Variants in RGL1 observed in about 807,000 individuals in gnomAD.
RGL1 encodes the protein ral guanine nucleotide dissociation stimulator-like 1.
RGL1 carries 24 observed loss-of-function variants against 95.2 expected under a neutral mutation model. The observed-to-expected ratio is 0.25, with a 90% confidence interval of 0.18 to 0.35. The LOEUF (loss-of-function observed/expected upper bound fraction) is 0.35. Among genes scored for constraint, RGL1 ranks in the 10% least tolerant of loss-of-function variants. The probability of loss-of-function intolerance (pLI) is 1.00; values close to 1 mark genes in which losing one functional copy is unlikely to be tolerated. For missense variants in RGL1, 715 were observed against 936.3 expected (o/e 0.76, Z 3.08); for synonymous variants, 329 against 344.9 (o/e 0.95, Z 0.51).
At chr1:183,859,635 A>G (rs910253959) in intron 3 of RGL1, among the ~76,000 whole-genome samples, 11 of 152,200 alleles carry the variant, frequency 7.2e-5, no homozygotes, top group African/African-American at 2.7e-4. Flanking sequence ...TGAGGAGGGC[A>G]GCTTTTGTTG....
chr1:183,829,467 A>G (rs1663106988), intron 2 of RGL1, among the ~76,000 whole-genome samples: 1 of 151,202 alleles, frequency 6.6e-6, no homozygotes, highest in Admixed American at 6.6e-5. Context: ...GTAGATCGTG[A>G]TCAACATTTA....
chr1:183,660,276 A>G (rs1651515250), intron 1 of RGL1, among the ~76,000 whole-genome samples: 1 of 152,168 alleles, frequency 6.6e-6, no homozygotes, highest in Admixed American at 6.5e-5. Flanking sequence ...TTGGATAAAG[A>G]GTCAAGACCC....
At chr1:183,844,301 T>C (rs1664269174) in intron 2 of RGL1, among the ~76,000 whole-genome samples, 1 of 152,186 alleles carries the variant, frequency 6.6e-6, no homozygotes, top group African/African-American at 2.4e-5. Flanking sequence ...TTTTATAATG[T>C]TTTGATTTTT....
chr1:183,872,702 AC>A (rs1183943958), intron 4 of RGL1, among the ~76,000 whole-genome samples: 3 of 152,234 alleles, frequency 2.0e-5, no homozygotes, highest in African/African-American at 7.2e-5. Flanking sequence ...TGGCTGTGTT[AC>A]ATTACTGCCT....
At chr1:183,794,429 A>T (rs1456598301) in intron 2 of RGL1, among the ~76,000 whole-genome samples, 1 of 152,222 alleles carries the variant, frequency 6.6e-6, no homozygotes, top group African/African-American at 2.4e-5. Flanking sequence ...CTAAAAGATT[A>T]TTTGAAATGT....
At chr1:183,863,762 A>T (rs1665660072) in intron 3 of RGL1, among the ~76,000 whole-genome samples, 1 of 152,088 alleles carries the variant, frequency 6.6e-6, no homozygotes, top group African/African-American at 2.4e-5. Context: ...CAGCAACTGG[A>T]TCGTGTGCTC....
chr1:183,802,599 G>T (rs1479087465), upstream of RGL1, among the ~76,000 whole-genome samples: 1 of 9,072 alleles, frequency 1.1e-4, no homozygotes, highest in East Asian at 4.0e-3. Context: ...AGGTGTATCA[G>T]CAAAAAAAAA....
intron 9 of RGL1, among the ~76,000 whole-genome samples, chr1:183,896,030 A>G (rs1667679493): frequency 6.6e-6 from 1 of 152,314 alleles, no homozygotes; most frequent in South Asian, 2.1e-4. Flanking sequence ...CCATGTCTAC[A>G]ATAACTTATG....
intron 3 of RGL1, among the ~76,000 whole-genome samples, chr1:183,864,016 G>A (rs1665676525): frequency 6.6e-6 from 1 of 152,134 alleles, no homozygotes; most frequent in African/African-American, 2.4e-5. Flanking sequence ...TCACATTCTG[G>A]GGAGGAACTG....
chr1:183,844,499 A>G (rs1035011605), intron 2 of RGL1, among the ~76,000 whole-genome samples: 11 of 152,232 alleles, frequency 7.2e-5, no homozygotes, highest in Non-Finnish European at 1.6e-4. Flanking sequence ...CCGTTGGCAT[A>G]TGAGAAATTC....
intron 1 of RGL1, among the ~76,000 whole-genome samples, chr1:183,723,832 A>G (rs1383156446): frequency 6.6e-6 from 1 of 152,180 alleles, no homozygotes; most frequent in Non-Finnish European, 1.5e-5. Flanking sequence ...TGGAATGGCC[A>G]AGAGAGTGCT....
chr1:183,912,040 AT>A (rs1313812378), intron 14 of RGL1, 41 bp from the exon 15 acceptor site: 3 of 1,578,954 alleles, frequency 1.9e-6, no homozygotes, highest in South Asian at 1.1e-5. Context: ...TGGATTCCAG[AT>A]TTGTAACAGC....
chr1:183,909,369 C>T lies in RGL1; in HGVS notation c.1562+2268C>T, dbSNP rs192211215. ...TGCCTACTACTGAGCCAGAATGAAC[C>T]TTCACAACGCAGGACAAAGCAGGAC... On this transcript the variant is annotated intron_variant, in intron 14 of 17. Coordinates refer to ENST00000360851, the MANE Select transcript of RGL1 (RefSeq NM_001297671.3). Among the ~76,000 whole-genome samples, 234 of 152,264 alleles carry T rather than the reference C, an allele frequency of 1.5e-3. 2 individuals carry two copies. Among genetic ancestry groups the T allele is most frequent in the Middle Eastern group, 3.4e-3 (1 of 294 alleles).
chr1:183,750,299 T>A (rs1657912341), intron 2 of RGL1, among the ~76,000 whole-genome samples: 1 of 152,248 alleles, frequency 6.6e-6, no homozygotes, highest in Non-Finnish European at 1.5e-5. Flanking sequence ...CACTCTTTAT[T>A]TCATTAAGTT....
chr1:183,645,939 A>G (rs1439395602), intron 1 of RGL1, among the ~76,000 whole-genome samples: 3 of 152,210 alleles, frequency 2.0e-5, no homozygotes, highest in Non-Finnish European at 2.9e-5. Context: ...TCTTTCCTAT[A>G]GTTCTGACAA....
chr1:183,844,205 G>T (rs1292000303), intron 2 of RGL1, among the ~76,000 whole-genome samples: 1 of 151,968 alleles, frequency 6.6e-6, no homozygotes, highest in Non-Finnish European at 1.5e-5. Flanking sequence ...GAAGTGACAA[G>T]GTACAAAACA....
intron 1 of RGL1, chr1:183,648,038 C>G (rs1354869044): frequency 1.2e-6 from 2 of 1,614,068 alleles, no homozygotes; most frequent in Non-Finnish European, 1.7e-6. Flanking sequence ...TGTTTGGATT[C>G]CTTTTTGTCT....
At chr1:183,915,962 A>G (rs552277909) in intron 15 of RGL1, among the ~76,000 whole-genome samples, 1 of 152,324 alleles carries the variant, frequency 6.6e-6, no homozygotes, top group East Asian at 1.9e-4. Flanking sequence ...CCTTTCTAGC[A>G]CTAATATTCA....
At chr1:183,637,138 G>T (rs1649598286) in intron 1 of RGL1, among the ~76,000 whole-genome samples, 1 of 152,198 alleles carries the variant, frequency 6.6e-6, no homozygotes, top group Non-Finnish European at 1.5e-5. Flanking sequence ...CTAATAATGT[G>T]CACTTTACAA....
Sources: gnomAD v4.1 joint callset for allele counts (sites outside exome capture counted in the v4.1 genomes callset) on GRCh38, gnomAD v4.1.1 for gene constraint, MANE v1.5 for transcripts, NCBI Gene and HGNC (gene_info 2026-07-23, HGNC 2026-07-21) for gene names.